The following CCDC192 variants were observed in gnomAD, a reference collection of about 807,000 sequenced individuals.
CCDC192 encodes the protein coiled-coil domain containing 192, also known as coiled-coil domain-containing protein 192.
In CCDC192 at chr5:127,747,234, C is replaced by G. The variant is rs533799862; in HGVS notation, c.115-7034C>G. 1.1e-4 allele frequency among the ~76,000 whole-genome samples: 16 copies of G among 152,064 alleles called. 1 individual carries two copies. In the East Asian group the frequency reaches 3.1e-3, roughly 29 times the overall value. On this transcript the variant is annotated intron_variant, in intron 2 of 6. Coordinates refer to ENST00000514853, the MANE Select transcript of CCDC192 (RefSeq NM_001317938.2). Reference sequence around the variant, plus strand: ...ACTCGTCATCTAGCATTAGGTATATCTCCCAATGCTATCCCTCCCCCCTCT... The same window carrying G: ...ACTCGTCATCTAGCATTAGGTATATGTCCCAATGCTATCCCTCCCCCCTCT...
At chr5:127,766,089 C>T (rs1212829915) in intron 3 of CCDC192, among the ~76,000 whole-genome samples, 3 of 152,106 alleles carry the variant, frequency 2.0e-5, no homozygotes, top group Middle Eastern at 3.2e-3. Flanking sequence ...CTGATTCTGA[C>T]GGGATGATTT....
chr5:127,746,482 C>T (rs933977958), intron 2 of CCDC192, among the ~76,000 whole-genome samples: 1 of 152,184 alleles, frequency 6.6e-6, no homozygotes, highest in South Asian at 2.1e-4. Context: ...CTGGAAATAG[C>T]AGTCTAGATC....
At position 127,855,193 on chromosome 5, in the gene CCDC192, C is replaced by A. The variant is rs1271818236; in HGVS notation, c.412-20345C>A. On this transcript the variant is annotated intron_variant, in intron 5 of 6. Coordinates refer to ENST00000514853, the MANE Select transcript of CCDC192 (RefSeq NM_001317938.2). ...GCCACACTATTTAATAGCATGTTTC[C>A]CATAGCAGAACTTCTTTCAAAACTG... Among the ~76,000 whole-genome samples the A allele has an allele frequency of 3.9e-5, 6 of 152,114 alleles. No homozygotes were observed. In the South Asian group the frequency reaches 1.2e-3, roughly 32 times the overall value.
chr5:127,742,450 C>A (rs1004732656), intron 2 of CCDC192, among the ~76,000 whole-genome samples: 11 of 152,044 alleles, frequency 7.2e-5, no homozygotes, highest in Non-Finnish European at 1.3e-4. Context: ...TATCCTGGAA[C>A]CTTGCTAAGG....
At chr5:127,849,608 C>T (rs557759645) in intron 5 of CCDC192, among the ~76,000 whole-genome samples, 39 of 152,214 alleles carry the variant, frequency 2.6e-4, no homozygotes, top group African/African-American at 9.1e-4. Flanking sequence ...GCCTTAGGCT[C>T]CTAAAGCCTG....
intron 6 of CCDC192, among the ~76,000 whole-genome samples, chr5:127,933,507 C>T (rs926722290): frequency 1.3e-5 from 2 of 152,180 alleles, no homozygotes; most frequent in Admixed American, 6.5e-5. Context: ...CTCCCACACA[C>T]CTCTCACCGT....
At chr5:127,747,389 G>C (rs564585894) in intron 2 of CCDC192, among the ~76,000 whole-genome samples, 145 of 152,180 alleles carry the variant, frequency 9.5e-4, no homozygotes, top group Non-Finnish European at 1.7e-3. Context: ...AGTTTACTGA[G>C]AATGATGGTT....
intron 5 of CCDC192, among the ~76,000 whole-genome samples, chr5:127,861,426 G>A (rs977843452): frequency 6.6e-6 from 1 of 151,074 alleles, no homozygotes; most frequent in Non-Finnish European, 1.5e-5. Context: ...AGGCCGAGGT[G>A]GGCAGATCAC....
chr5:127,738,823 C>A (rs1449562426), intron 2 of CCDC192, among the ~76,000 whole-genome samples: 1 of 152,136 alleles, frequency 6.6e-6, no homozygotes, highest in Non-Finnish European at 1.5e-5. Context: ...ATTCTAGTTA[C>A]ACATTCTTCT....
chr5:127,776,458 G>A (rs145949617), intron 3 of CCDC192, among the ~76,000 whole-genome samples: 280 of 152,306 alleles, frequency 1.8e-3, no homozygotes, highest in African/African-American at 6.2e-3. Context: ...AAGGAAAGCA[G>A]AGCATAAAAG....
At chr5:127,730,028 G>T (rs1029471521) in intron 2 of CCDC192, among the ~76,000 whole-genome samples, 4 of 152,076 alleles carry the variant, frequency 2.6e-5, no homozygotes, top group Non-Finnish European at 5.9e-5. Flanking sequence ...AATCAAAGTG[G>T]AACTGAAGAA....
At chr5:127,763,883 A>C (rs549200074) in intron 3 of CCDC192, among the ~76,000 whole-genome samples, 1 of 152,296 alleles carries the variant, frequency 6.6e-6, no homozygotes, top group East Asian at 1.9e-4. Context: ...GAACCCCAAG[A>C]GACTTCTTTT....
intron 2 of CCDC192, among the ~76,000 whole-genome samples, chr5:127,723,345 A>G (rs1389881513): frequency 2.6e-5 from 4 of 152,142 alleles, no homozygotes; most frequent in African/African-American, 9.6e-5. Context: ...GTCAGTTCTA[A>G]TAGCTATTTT....
At chr5:127,803,608 T>C (rs1757624699) in intron 5 of CCDC192, among the ~76,000 whole-genome samples, 1 of 152,196 alleles carries the variant, frequency 6.6e-6, no homozygotes, top group Non-Finnish European at 1.5e-5. Flanking sequence ...TATTAGCGGG[T>C]ATAAGTGCTT....
intron 5 of CCDC192, among the ~76,000 whole-genome samples, chr5:127,846,263 T>A (rs544044869): frequency 1.4e-5 from 2 of 144,444 alleles, no homozygotes; most frequent in African/African-American, 5.2e-5. Context: ...CACTCCAGCC[T>A]GGGCGACAGA....
At chr5:127,896,305 T>G (rs1376093535) in intron 6 of CCDC192, among the ~76,000 whole-genome samples, 2 of 152,108 alleles carry the variant, frequency 1.3e-5, no homozygotes, top group Non-Finnish European at 2.9e-5. Context: ...TTTTAAACAA[T>G]TAAAAGTCAC....
At chr5:127,816,887 A>C (rs763056677) in intron 5 of CCDC192, among the ~76,000 whole-genome samples, 1 of 152,226 alleles carries the variant, frequency 6.6e-6, no homozygotes, top group Non-Finnish European at 1.5e-5. Flanking sequence ...TCTCAGATAA[A>C]AGAAAATCAA....
rs1243585225 is a variant in CCDC192, at chr5:127,749,281, T to C, written c.115-4987T>C. 4.6e-5 allele frequency among the ~76,000 whole-genome samples: 7 copies of C among 152,164 alleles called. No individual in the cohort carries two copies. The East Asian group carries it at 5.8e-4, about 13-fold the overall frequency. On this transcript the variant is annotated intron_variant, in intron 2 of 6. Coordinates refer to ENST00000514853, the MANE Select transcript of CCDC192 (RefSeq NM_001317938.2). ...AGATAGCTCTTATTATTTTGAAATATGTCCCATCAAGACCTAATTTATTGA... is the reference window on the plus strand; with the variant it reads ...AGATAGCTCTTATTATTTTGAAATACGTCCCATCAAGACCTAATTTATTGA...
intron 2 of CCDC192, among the ~76,000 whole-genome samples, chr5:127,746,748 G>C (rs1050747253): frequency 4.6e-5 from 7 of 152,154 alleles, no homozygotes; most frequent in Middle Eastern, 6.8e-3. Context: ...AAACTTTTGA[G>C]GGTGAGTATG....
Sources: gnomAD v4.1 joint callset for allele counts (sites outside exome capture counted in the v4.1 genomes callset) on GRCh38, gnomAD v4.1.1 for gene constraint, MANE v1.5 for transcripts, NCBI Gene and HGNC (gene_info 2026-07-23, HGNC 2026-07-21) for gene names.